The following AKAP6 variants were observed in gnomAD, a reference collection of about 807,000 sequenced individuals.
AKAP6 encodes A-kinase anchor protein 6.
In AKAP6, 58 loss-of-function variants were observed where a neutral mutation model predicts 188.5. The observed-to-expected ratio is 0.31, with a 90% CI of 0.25 to 0.38. The LOEUF (loss-of-function observed/expected upper bound fraction) is 0.38. Ranked by LOEUF, AKAP6 falls within the 10% of genes least tolerant of loss-of-function variation. The probability of loss-of-function intolerance (pLI) is 1.00; values close to 1 mark genes in which losing one functional copy is unlikely to be tolerated. For missense variants in AKAP6, 2,710 were observed against 2,740.0 expected (o/e 0.99, Z 0.24); for synonymous variants, 989 against 998.6 (o/e 0.99, Z 0.18).
At chr14:32,343,859 C>T (rs1254255818) in intron 1 of AKAP6, among the ~76,000 whole-genome samples, 1 of 150,988 alleles carries the variant, frequency 6.6e-6, no homozygotes, top group East Asian at 2.0e-4. Context: ...CCCATTAAAA[C>T]CCCAGTTTCT....
intron 7 of AKAP6, among the ~76,000 whole-genome samples, chr14:32,657,408 A>G (rs542582166): frequency 6.6e-6 from 1 of 152,120 alleles, no homozygotes; most frequent in Non-Finnish European, 1.5e-5. Context: ...TGAGCCTACA[A>G]ATCTGTGAGT....
At chr14:32,459,117 C>T (rs555097694) in intron 2 of AKAP6, among the ~76,000 whole-genome samples, 5 of 151,964 alleles carry the variant, frequency 3.3e-5, no homozygotes, top group African/African-American at 1.2e-4. Flanking sequence ...TGAAATAAGT[C>T]GGATATAAGA....
chr14:32,582,690 T>C (rs1385898009), intron 5 of AKAP6, among the ~76,000 whole-genome samples: 1 of 152,180 alleles, frequency 6.6e-6, no homozygotes, highest in Admixed American at 6.5e-5. Context: ...GTTCATTTCT[T>C]TTTATTCTTT....
At chr14:32,431,344 T>G (rs1283652553) in intron 1 of AKAP6, among the ~76,000 whole-genome samples, 1 of 152,084 alleles carries the variant, frequency 6.6e-6, no homozygotes, top group Non-Finnish European at 1.5e-5. Context: ...AAAAAAAGTG[T>G]GGGGTATGGA....
At chr14:32,795,563 A>G (rs1424165513) in intron 12 of AKAP6, among the ~76,000 whole-genome samples, 1 of 152,258 alleles carries the variant, frequency 6.6e-6, no homozygotes, top group African/African-American at 2.4e-5. Context: ...CAATAGATAC[A>G]GAAAAAGCCT....
intron 1 of AKAP6, among the ~76,000 whole-genome samples, chr14:32,382,945 C>G (rs1566475191): frequency 6.6e-6 from 1 of 152,048 alleles, no homozygotes; most frequent in Non-Finnish European, 1.5e-5. Context: ...CCAGCCTTAC[C>G]CTCTGGACAC....
intron 9 of AKAP6, among the ~76,000 whole-genome samples, chr14:32,729,771 C>G (rs2031081617): frequency 6.6e-6 from 1 of 152,076 alleles, no homozygotes; most frequent in African/African-American, 2.4e-5. Context: ...GCTTATTTAC[C>G]TTAGCACTCA....
At chr14:32,745,381 A>G (rs2139880352) in intron 11 of AKAP6, among the ~76,000 whole-genome samples, 1 of 134,774 alleles carries the variant, frequency 7.4e-6, no homozygotes. Flanking sequence ...GTCTTGGACA[A>G]CGTCTAGGAT....
At chr14:32,375,076 C>T (rs1175532900) in intron 1 of AKAP6, among the ~76,000 whole-genome samples, 1 of 151,964 alleles carries the variant, frequency 6.6e-6, no homozygotes, top group Non-Finnish European at 1.5e-5. Flanking sequence ...GTGATGAAAG[C>T]CTGTAGTAGG....
chr14:32,699,247 G>T (rs1285531329), intron 9 of AKAP6, among the ~76,000 whole-genome samples: 1 of 152,084 alleles, frequency 6.6e-6, no homozygotes, highest in Non-Finnish European at 1.5e-5. Context: ...ACTACAGATT[G>T]TATGAAATAC....
At chr14:32,465,701 G>A (rs1878373566) in intron 2 of AKAP6, among the ~76,000 whole-genome samples, 1 of 152,102 alleles carries the variant, frequency 6.6e-6, no homozygotes, top group Non-Finnish European at 1.5e-5. Context: ...AACACAAAAA[G>A]CAATTGCAAC....
At chr14:32,560,319 G>T (rs563511452) in intron 4 of AKAP6, among the ~76,000 whole-genome samples, 8 of 152,288 alleles carry the variant, frequency 5.3e-5, no homozygotes, top group African/African-American at 1.9e-4. Context: ...CATTGCGCAA[G>T]GTTGGTCCAG....
chr14:32,704,388 T>G (rs17099463), intron 9 of AKAP6, among the ~76,000 whole-genome samples: 18,860 of 152,188 alleles, frequency 0.12, 1,237 homozygotes, highest in East Asian at 0.17. Context: ...TTTGTAGATT[T>G]CTTTCTAGTT....
At chr14:32,439,353 C>T (rs1890492256) in intron 2 of AKAP6, among the ~76,000 whole-genome samples, 2 of 152,158 alleles carry the variant, frequency 1.3e-5, no homozygotes, top group Admixed American at 6.5e-5. Flanking sequence ...GGAGAGGATT[C>T]TCTGTCACCA....
intron 7 of AKAP6, among the ~76,000 whole-genome samples, chr14:32,655,360 A>G (rs1162475959): frequency 6.6e-6 from 1 of 152,210 alleles, no homozygotes; most frequent in Non-Finnish European, 1.5e-5. Flanking sequence ...GTGTTAAACC[A>G]TATGGTATAT....
At chr14:32,507,399 CAG>C (rs888263978) in intron 2 of AKAP6, among the ~76,000 whole-genome samples, 3 of 152,150 alleles carry the variant, frequency 2.0e-5, no homozygotes, top group African/African-American at 4.8e-5. Context: ...ATTAGCAAAA[CAG>C]AAACACAGGC....
intron 4 of AKAP6, among the ~76,000 whole-genome samples, chr14:32,565,956 C>T (rs957433311): frequency 2.6e-5 from 4 of 152,098 alleles, no homozygotes; most frequent in Admixed American, 1.3e-4. Flanking sequence ...CCAGGAAGTC[C>T]CCCTTGATGC....
At chr14:32,504,135 C>T (rs1400671205) in intron 2 of AKAP6, among the ~76,000 whole-genome samples, 1 of 151,886 alleles carries the variant, frequency 6.6e-6, no homozygotes, top group African/African-American at 2.4e-5. Context: ...TCATTTAGGT[C>T]TTCCACATTT....
chr14:32,634,005 T>C lies in AKAP6; in HGVS notation c.2730+33213T>C, dbSNP rs1389614303. Among the ~76,000 whole-genome samples the C allele has an allele frequency of 2.6e-5, 4 of 152,082 alleles. No individual in the cohort carries two copies. In the East Asian group the frequency reaches 5.8e-4, roughly 22 times the overall value. ...TAGTCTAATTTCTGTGTCAAACTTA[T>C]TTTCTGTTTTTACTCCACACAGCCT... On this transcript the variant is annotated intron_variant, in intron 7 of 13. Transcript: ENST00000280979.
Sources: allele counts gnomAD v4.1 joint callset (sites outside exome capture counted in the v4.1 genomes callset), GRCh38; gene constraint gnomAD v4.1.1; transcripts MANE v1.5; gene names NCBI Gene and HGNC (gene_info 2026-07-23, HGNC 2026-07-21).